Variants in EXO1 observed in about 807,000 individuals in gnomAD.
EXO1 encodes exonuclease 1.
In EXO1, 69 loss-of-function variants were observed where a neutral mutation model predicts 84.5. The observed-to-expected ratio is 0.82, with a 90% CI of 0.67 to 1.00. The LOEUF is 1.00. EXO1 is among the 50% of genes least tolerant of loss of function. The pLI, the probability that EXO1 is intolerant of heterozygous loss-of-function variation, is 0.00. For synonymous variants in EXO1, 373 were observed against 366.1 expected (o/e 1.02, Z -0.21); for missense variants, 1,045 against 1,000.7 (o/e 1.04, Z -0.60).
intron 14 of EXO1, among the ~76,000 whole-genome samples, chr1:241,884,735 A>G (rs540167734): frequency 7.9e-5 from 12 of 151,964 alleles, no homozygotes; most frequent in Non-Finnish European, 1.8e-4. Flanking sequence ...TGCCTCTGGA[A>G]AGGGAGGCAG....
intron 8 of EXO1, among the ~76,000 whole-genome samples, chr1:241,858,939 CAA>C (rs1024521435): frequency 4.6e-5 from 7 of 152,226 alleles, no homozygotes; most frequent in South Asian, 2.1e-4. Context: ...ATTTTTAAAA[CAA>C]AGACTAGTAT....
Position 241,879,277 on chromosome 1 carries a change from A to G in EXO1, c.2043A>G (p.Glu681=). 1 of 1,602,464 alleles carries G rather than the reference A, an allele frequency of 6.2e-7. No individual in the cohort carries two copies. The highest frequency in any genetic ancestry group is 8.5e-7 in the Non-Finnish European group (1 of 1,176,652). ...ACSSQSQESG[E]FSLQSSNASK... is the part of the protein sequence containing the mutation. ...CTTCACAGTCCCAGGAAAGTGGAGA[A>G]TTCTCACTGCAGAGTTCAAATGCAT... The change falls in exon 13 of 16, where the codon GAA becomes GAG. Residue 681 remains glutamate (E), a synonymous_variant. Transcript: ENST00000366548.
At chr1:241,883,564 GAC>G (rs367995878) in intron 14 of EXO1, among the ~76,000 whole-genome samples, 88 of 152,240 alleles carry the variant, frequency 5.8e-4, no homozygotes, top group African/African-American at 2.1e-3. Context: ...ATGTGAGGGA[GAC>G]ACAACATTCA....
rs1323828835 is a variant in EXO1 at position 241,850,543 on chromosome 1, A to C, written c.118A>C (p.Ile40Leu). 6.2e-7 allele frequency: 1 copy of C among 1,614,040 alleles called. No homozygotes were observed. ...ATATTGCTGGCTTCACAAAGGAGCT[A>C]TTGCTTGTGCTGAAAAACTAGCCAA... ...DTYCWLHKGA[I>L]ACAEKLAKGE... The change falls in exon 4 of 16, where the codon ATT becomes CTT. Residue 40 changes from isoleucine to leucine, a missense_variant. Transcript: ENST00000366548.
At chr1:241,883,318 A>G (rs1198853179) in intron 14 of EXO1, among the ~76,000 whole-genome samples, 2 of 152,216 alleles carry the variant, frequency 1.3e-5, no homozygotes, top group Non-Finnish European at 2.9e-5. Flanking sequence ...ATAAATATTT[A>G]TTTCTCACAG....
intron 12 of EXO1, among the ~76,000 whole-genome samples, chr1:241,876,910 C>T (rs1261268981): frequency 2.6e-5 from 4 of 152,122 alleles, no homozygotes; most frequent in African/African-American, 9.7e-5. Context: ...TGTTCACCTC[C>T]CTGAGCCTAT....
At chr1:241,882,345 A>G (rs182368585) in intron 14 of EXO1, among the ~76,000 whole-genome samples, 104 of 152,256 alleles carry the variant, frequency 6.8e-4, no homozygotes, top group Non-Finnish European at 1.8e-4. Flanking sequence ...ACTGCAACCA[A>G]GATCTTGTGG....
chr1:241,888,556 G>C (rs145264796), intron 15 of EXO1, among the ~76,000 whole-genome samples: 64 of 152,314 alleles, frequency 4.2e-4, no homozygotes, highest in African/African-American at 1.3e-3. Flanking sequence ...AAAGGATCTT[G>C]GGACTCTCCA....
chr1:241,857,090 C>T (rs3121390), intron 6 of EXO1, among the ~76,000 whole-genome samples: 77,578 of 151,532 alleles, frequency 0.51, 20,137 homozygotes, highest in East Asian at 0.71. Flanking sequence ...ATTCTTTTTT[C>T]CTCTGGCTGT....
Position 241,879,157 on chromosome 1 carries a change from C to T in EXO1, c.1923C>T (p.Thr641=), listed in dbSNP as rs751952132. 1 of 1,608,442 alleles carries T rather than the reference C, an allele frequency of 6.2e-7. No individual in the cohort carries two copies. Among genetic ancestry groups the T allele is most frequent in the Non-Finnish European group, 8.5e-7 (1 of 1,175,196 alleles). Residue 641 remains threonine (T), a synonymous_variant, in exon 13 of 16, where the codon ACC becomes ACT. Coordinates refer to ENST00000366548, the MANE Select transcript of EXO1 (RefSeq NM_130398.4). ...QQFRRKSDSP[T]SLPENNMSDV... ...TCCGAAGAAAGAGCGATTCCCCCACCTCTTTGCCTGAGAATAATATGTCTG... is the reference window on the plus strand; with the variant it reads ...TCCGAAGAAAGAGCGATTCCCCCACTTCTTTGCCTGAGAATAATATGTCTG...
At chr1:241,849,718 T>G (rs989840203) in intron 3 of EXO1, among the ~76,000 whole-genome samples, 13 of 152,240 alleles carry the variant, frequency 8.5e-5, no homozygotes, top group African/African-American at 2.9e-4. Flanking sequence ...CTACTCCTAT[T>G]TGAATTTGCA....
chr1:241,858,532 A>C lies in EXO1; in HGVS notation c.570A>C (p.Gly190=), dbSNP rs4149901. ...TAATTTTAAAGATGGACCAGTTTGG[A>C]AATGGACTTGAAATTGATCAAGCTC... ...KKVILKMDQF[G]NGLEIDQARL... The change falls in exon 8 of 16, where the codon GGA becomes GGC. Residue 190 remains glycine, a synonymous_variant. Coordinates refer to ENST00000366548, the MANE Select transcript of EXO1 (RefSeq NM_130398.4). 1.2e-6 allele frequency: 2 copies of C among 1,614,060 alleles called. No individual in the cohort carries two copies. Among genetic ancestry groups the C allele is most frequent in the Non-Finnish European group, 1.7e-6 (2 of 1,179,920 alleles).
chr1:241,889,632 G>T lies in EXO1; in HGVS notation c.*32G>T, dbSNP rs752072166. ...ACTGCTGCAAAGCTTTTGCCTGCAAGAGAATCTGATCAATTTGAAGTCCCT... is the reference window on the plus strand; with the variant it reads ...ACTGCTGCAAAGCTTTTGCCTGCAATAGAATCTGATCAATTTGAAGTCCCT... On this transcript the variant is annotated 3_prime_UTR_variant, in exon 16 of 16. Transcript: ENST00000366548. The T allele has an allele frequency of 5.0e-6, 8 of 1,611,158 alleles. No homozygotes were observed. Among genetic ancestry groups the T allele is most frequent in the Non-Finnish European group, 6.8e-6 (8 of 1,177,580 alleles).
intron 14 of EXO1, among the ~76,000 whole-genome samples, chr1:241,884,828 A>T (rs1662960656): frequency 6.6e-6 from 1 of 152,244 alleles, no homozygotes; most frequent in African/African-American, 2.4e-5. Flanking sequence ...ATTACCTGTT[A>T]AAATAATTTA....
At chr1:241,887,828 C>T (rs1355968274) in intron 15 of EXO1, among the ~76,000 whole-genome samples, 2 of 151,816 alleles carry the variant, frequency 1.3e-5, no homozygotes, top group South Asian at 2.1e-4. Flanking sequence ...TTGTAGAGAT[C>T]GGGTTTCGCT....
chr1:241,861,367 T>G (rs1661371290), intron 9 of EXO1, 39 bp from the exon 10 acceptor site: 1 of 1,000,224 alleles, frequency 1.0e-6, no homozygotes, highest in South Asian at 1.3e-5. Flanking sequence ...TTTGGTTGGT[T>G]GTTAATAAAT....
intron 10 of EXO1, among the ~76,000 whole-genome samples, chr1:241,864,347 G>A (rs1174012720): frequency 2.0e-5 from 3 of 152,162 alleles, no homozygotes; most frequent in Non-Finnish European, 4.4e-5. Flanking sequence ...AGTGAGTTGG[G>A]GCAGGCCAGG....
chr1:241,870,630 G>C (rs1026679112), intron 11 of EXO1, among the ~76,000 whole-genome samples: 1 of 152,224 alleles, frequency 6.6e-6, no homozygotes, highest in African/African-American at 2.4e-5. Flanking sequence ...GCCAGTTGCT[G>C]TTAAGCCAGG....
intron 13 of EXO1, 151 bp downstream of exon 13, chr1:241,879,494 T>A (rs1662617920): frequency 3.3e-6 from 2 of 612,046 alleles, no homozygotes; most frequent in Non-Finnish European, 5.7e-6. Context: ...TCACATTTTA[T>A]TCATTTGAAG....
Sources: gnomAD v4.1 joint callset for allele counts (sites outside exome capture counted in the v4.1 genomes callset) on GRCh38, gnomAD v4.1.1 for gene constraint, MANE v1.5 for transcripts, NCBI Gene and HGNC (gene_info 2026-07-23, HGNC 2026-07-21) for gene names.